The following SNX29 variants were observed in gnomAD, a reference collection of about 807,000 sequenced individuals.
SNX29 encodes the protein sorting nexin 29, also known as sorting nexin-29.
Under a neutral mutation model 102.1 loss-of-function variants are expected in SNX29, and 78 were observed. The ratio of observed to expected loss-of-function variants is 0.76; its 90% CI spans 0.64 to 0.92. The LOEUF (loss-of-function observed/expected upper bound fraction) is 0.92. Ranked by LOEUF, SNX29 falls within the 40% of genes least tolerant of loss-of-function variation. The probability of loss-of-function intolerance (pLI) is 0.00; values close to 1 mark genes in which losing one functional copy is unlikely to be tolerated. For synonymous variants in SNX29, 580 were observed against 414.5 expected (o/e 1.40, Z -4.85); for missense variants, 1,280 against 1,061.7 (o/e 1.21, Z -2.86).
chr16:12,046,429 C>T lies in SNX29; in HGVS notation c.474C>T (p.Ser158=), dbSNP rs2050094071. The change falls in exon 6 of 21, where the codon TCC becomes TCT. Residue 158 remains serine, a synonymous_variant. Coordinates refer to ENST00000566228, the MANE Select transcript of SNX29 (RefSeq NM_032167.5). ...DWSFVMDEER[S]SMLPTMAAGL... is the part of the protein sequence containing the mutation. ...CTTTTGTGATGGATGAAGAAAGGTCCAGTATGCTTCCTACCATGGCAGCAG... is the reference window on the plus strand; with the variant it reads ...CTTTTGTGATGGATGAAGAAAGGTCTAGTATGCTTCCTACCATGGCAGCAG... The T allele has an allele frequency of 6.2e-7, 1 of 1,613,666 alleles. No individual in the cohort carries two copies. Among genetic ancestry groups the T allele is most frequent in the Non-Finnish European group, 8.5e-7 (1 of 1,179,768 alleles).
At position 12,568,999 on chromosome 16, in the gene SNX29, T is replaced by G. The variant is rs145783090; in HGVS notation, c.*370T>G. 1.7e-3 allele frequency: 482 copies of G among 286,476 alleles called. 2 individuals are homozygous for G. Among genetic ancestry groups the G allele is most frequent in the African/African-American group, 9.4e-3 (440 of 46,576 alleles). 17.7% of individuals were successfully genotyped at this position (286,476 alleles called of 1,614,324 possible). A position where few individuals can be genotyped will look rare whatever the true frequency, so the allele number is the denominator to read the frequency against. On this transcript the variant is annotated 3_prime_UTR_variant, in exon 21 of 21. Transcript: ENST00000566228. ...TGAGAGGCAAAGGTGATCCCCTATATAGGAAGGTTCATGCAGAGCCAGCCT... is the reference window on the plus strand; with the variant it reads ...TGAGAGGCAAAGGTGATCCCCTATAGAGGAAGGTTCATGCAGAGCCAGCCT...
chr16:12,267,014 C>T (rs1326161484), intron 14 of SNX29, among the ~76,000 whole-genome samples: 2 of 152,186 alleles, frequency 1.3e-5, no homozygotes, highest in Non-Finnish European at 2.9e-5. Context: ...CCGCCTGCCT[C>T]AGCCTCCCAA....
At chr16:12,454,972 T>C (rs2086471840) in intron 18 of SNX29, among the ~76,000 whole-genome samples, 1 of 152,192 alleles carries the variant, frequency 6.6e-6, no homozygotes, top group African/African-American at 2.4e-5. Flanking sequence ...GGTCTCGAAC[T>C]CCTGACCTCA....
At chr16:12,136,818 C>T (rs1216506551) in intron 13 of SNX29, among the ~76,000 whole-genome samples, 2 of 152,244 alleles carry the variant, frequency 1.3e-5, no homozygotes, top group African/African-American at 4.8e-5. Context: ...CAGCTCACTG[C>T]AACCTCCACC....
chr16:12,556,508 T>C (rs2078360650), intron 20 of SNX29: 1 of 152,292 alleles, frequency 6.6e-6, no homozygotes, highest in South Asian at 2.1e-4. Context: ...GCAGTCCCCG[T>C]GTTGCCAGAG....
intron 18 of SNX29, among the ~76,000 whole-genome samples, chr16:12,412,360 T>C (rs11864693): frequency 0.56 from 85,365 of 152,048 alleles, 24,515 homozygotes; most frequent in Non-Finnish European, 0.63. Flanking sequence ...CCAAGGCGTG[T>C]GCTTCACAAA....
intron 19 of SNX29, among the ~76,000 whole-genome samples, chr16:12,483,688 A>C (rs1567610893): frequency 6.6e-6 from 1 of 152,196 alleles, no homozygotes; most frequent in Non-Finnish European, 1.5e-5. Context: ...TGGTGACTTA[A>C]GCCAACAAGG....
chr16:12,089,143 GA>G (rs1192088896), intron 11 of SNX29, among the ~76,000 whole-genome samples: 1 of 125,026 alleles, frequency 8.0e-6, no homozygotes, highest in African/African-American at 3.2e-5. Context: ...GAGAGAGAGA[GA>G]AAAGAGAAAG....
chr16:12,556,076 T>G (rs1014818249), intron 20 of SNX29, among the ~76,000 whole-genome samples: 3 of 152,228 alleles, frequency 2.0e-5, no homozygotes, highest in Admixed American at 2.0e-4. Flanking sequence ...ATTAATCTTA[T>G]AGAATTAATT....
chr16:12,125,603 C>CTTTTTTTT lies in SNX29; in HGVS notation c.1403-1029_1403-1028insTTTTTTTT, dbSNP rs1273937330. ...CAAGGGGGGCTTGTGGCTGAGATCT[C>CTTTTTTTT]TCTTTTTTTTTTTTTTTTTTTTTTT... On this transcript the variant is annotated intron_variant, in intron 11 of 20. Coordinates refer to ENST00000566228, the MANE Select transcript of SNX29 (RefSeq NM_032167.5). Among the ~76,000 whole-genome samples the CTTTTTTTT allele has an allele frequency of 2.4e-4, 17 of 71,496 alleles. 7 individuals are homozygous for CTTTTTTTT. Among genetic ancestry groups the CTTTTTTTT allele is most frequent in the African/African-American group, 3.2e-4 (6 of 18,864 alleles). 46.9% of individuals were successfully genotyped at this position (71,496 alleles called of 152,430 possible).
chr16:12,212,555 C>A (rs1596522512), intron 14 of SNX29, among the ~76,000 whole-genome samples: 1 of 152,124 alleles, frequency 6.6e-6, no homozygotes, highest in African/African-American at 2.4e-5. Flanking sequence ...GAATAAGTTG[C>A]CATCTCTGAG....
intron 20 of SNX29, among the ~76,000 whole-genome samples, chr16:12,565,097 C>G (rs1475156898): frequency 6.6e-6 from 1 of 151,948 alleles, no homozygotes; most frequent in African/African-American, 2.4e-5. Context: ...GTCGTCTTCT[C>G]TTCTGAGTAC....
At chr16:12,283,487 T>C (rs941133226) in intron 15 of SNX29, among the ~76,000 whole-genome samples, 1 of 152,094 alleles carries the variant, frequency 6.6e-6, no homozygotes, top group African/African-American at 2.4e-5. Context: ...GCCCAGCTAA[T>C]TTTTGTATTT....
intron 20 of SNX29, among the ~76,000 whole-genome samples, chr16:12,567,668 G>T (rs1400593648): frequency 6.6e-6 from 1 of 152,170 alleles, no homozygotes; most frequent in Non-Finnish European, 1.5e-5. Context: ...AGGCTGAGGT[G>T]AGAGGATCAC....
chr16:12,536,575 G>A (rs777688403), intron 20 of SNX29, among the ~76,000 whole-genome samples: 2 of 152,176 alleles, frequency 1.3e-5, no homozygotes, highest in Non-Finnish European at 1.5e-5. Flanking sequence ...AAGTTGCAGA[G>A]TTCACACCTA....
At position 12,383,728 on chromosome 16, in the gene SNX29, G is replaced by A. The variant is rs575638665; in HGVS notation, c.1900-14718G>A. 3.5e-5 allele frequency among the ~76,000 whole-genome samples: 5 copies of A among 144,438 alleles called. No homozygotes were observed. In the South Asian group the frequency reaches 8.7e-4, roughly 25 times the overall value. The allele number at this position is 144,438 out of a possible 152,430, so 94.8% of individuals were successfully genotyped here. A position where few individuals can be genotyped will look rare whatever the true frequency, so the allele number is the denominator to read the frequency against. ...TAGGATTACAGGCGTGAGCCAGCAC[G>A]CCCAGCCTGATGTAACATTAAAAAA... is the stretch of plus-strand genomic sequence containing the variant. On this transcript the variant is annotated intron_variant, in intron 16 of 20. Transcript: ENST00000566228.
intron 20 of SNX29, among the ~76,000 whole-genome samples, chr16:12,532,021 CAGG>C (rs903727448): frequency 1.7e-4 from 26 of 152,078 alleles, no homozygotes; most frequent in Non-Finnish European, 3.4e-4. Flanking sequence ...GAGGCAGGAG[CAGG>C]AGGTGTCACC....
At chr16:12,286,092 C>T (rs1041874570) in intron 15 of SNX29, among the ~76,000 whole-genome samples, 16 of 151,952 alleles carry the variant, frequency 1.1e-4, no homozygotes, top group Non-Finnish European at 2.2e-4. Flanking sequence ...ATCCTCCCAC[C>T]TCGGCCTCCC....
At chr16:12,351,281 C>T (rs1953238267) in intron 15 of SNX29, among the ~76,000 whole-genome samples, 1 of 152,132 alleles carries the variant, frequency 6.6e-6, no homozygotes, top group Admixed American at 6.5e-5. Context: ...AGGTGCAATG[C>T]CATCATCACA....
Sources: allele counts gnomAD v4.1 joint callset (sites outside exome capture counted in the v4.1 genomes callset), GRCh38; gene constraint gnomAD v4.1.1; transcripts MANE v1.5; gene names NCBI Gene and HGNC (gene_info 2026-07-23, HGNC 2026-07-21).